Variants in PTPN23 observed in about 807,000 individuals in gnomAD.
The protein encoded by PTPN23 is protein tyrosine phosphatase non-receptor type 23.
Under a neutral mutation model 156.3 loss-of-function variants are expected in PTPN23, and 72 were observed. The observed-to-expected ratio is 0.46, with a 90% confidence interval of 0.38 to 0.56. The LOEUF (loss-of-function observed/expected upper bound fraction) is 0.56. Among genes scored for constraint, PTPN23 ranks in the 20% least tolerant of loss-of-function variants. The pLI is 0.00. For synonymous variants in PTPN23, 957 were observed against 899.6 expected (o/e 1.06, Z -1.14); for missense variants, 1,974 against 2,171.5 (o/e 0.91, Z 1.81).
At chr3:47,389,840 CAAAAAAA>C (rs34520125) in intron 1 of PTPN23, among the ~76,000 whole-genome samples, 6 of 32,344 alleles carry the variant, frequency 1.9e-4, no homozygotes, top group African/African-American at 3.0e-4. Flanking sequence ...GACTCCGTCT[CAAAAAAA>C]AAAAAAAAAA....
chr3:47,396,084 C>A, intron 1 of PTPN23, 59 bp from the exon 2 acceptor site: 1 of 1,410,496 alleles, frequency 7.1e-7, no homozygotes, highest in Non-Finnish European at 9.9e-7. Context: ...TTGCCCAGGA[C>A]TCAGAGGGCA....
chr3:47,383,644 T>C (rs1287859892), intron 1 of PTPN23, among the ~76,000 whole-genome samples: 3 of 152,248 alleles, frequency 2.0e-5, no homozygotes, highest in Non-Finnish European at 4.4e-5. Context: ...ATGCAGTAGA[T>C]AAAATCTTGG....
intron 1 of PTPN23, among the ~76,000 whole-genome samples, chr3:47,387,919 CA>C (rs1218330163): frequency 6.6e-6 from 1 of 152,204 alleles, no homozygotes; most frequent in Non-Finnish European, 1.5e-5. Context: ...CTCTAATCTG[CA>C]AAATCATGGC....
At chr3:47,401,618 T>A (rs149810718) in intron 2 of PTPN23, among the ~76,000 whole-genome samples, 1 of 152,234 alleles carries the variant, frequency 6.6e-6, no homozygotes, top group African/African-American at 2.4e-5. Context: ...GATGTGGCTC[T>A]TAATTTTAAA....
rs1414253821 is a variant in PTPN23, at chr3:47,411,701, T to TG, written c.3888+18dup. ...AGATGGAGAAGGTGAGAAGAGGGGG[T>TG]GGGTGCCCACGAGGGCAGTGTGGGG... is the stretch of plus-strand genomic sequence containing the variant. On this transcript the variant is annotated intron_variant, in intron 20 of 24. Coordinates refer to ENST00000265562, the MANE Select transcript of PTPN23 (RefSeq NM_015466.4). The surrounding 1 kb of genome is among the most constrained non-coding windows in gnomAD (Gnocchi z 6.3). 6.3e-7 allele frequency: 1 copy of TG among 1,588,164 alleles called. No individual in the cohort carries two copies. The highest frequency in any genetic ancestry group is 8.6e-7 in the Non-Finnish European group (1 of 1,161,192).
rs557838138 is a variant in PTPN23 at position 47,409,941 on chromosome 3, A to C, written c.2143A>C (p.Lys715Gln). The change falls in exon 20 of 25, where the codon AAG becomes CAG. Residue 715 changes from lysine (K) to glutamine (Q), a missense_variant. Coordinates refer to ENST00000265562, the MANE Select transcript of PTPN23 (RefSeq NM_015466.4). ...CCTGTCGCACAGGGAGCTGAAGAAG[A>C]AGCCGCCGCCACGGCCCACAGCCCC... Reference protein sequence around the residue: ...QQLLDRELKKKPPPRPTAPKP... With the variant: ...QQLLDRELKKQPPPRPTAPKP... 5.0e-5 allele frequency: 79 copies of C among 1,569,308 alleles called. No homozygotes were observed. Among genetic ancestry groups the C allele is most frequent in the South Asian group, 4.0e-4 (34 of 84,014 alleles).
intron 1 of PTPN23, among the ~76,000 whole-genome samples, chr3:47,391,397 A>T (rs979861895): frequency 6.6e-6 from 1 of 152,160 alleles, no homozygotes; most frequent in African/African-American, 2.4e-5. Flanking sequence ...GAATACCCTA[A>T]CTCTTTGCCT....
Position 47,408,470 on chromosome 3 carries a change from A to G in PTPN23, c.1310A>G (p.Asn437Ser). 6.2e-7 allele frequency: 1 copy of G among 1,613,886 alleles called. No homozygotes were observed. The highest frequency in any genetic ancestry group is 8.5e-7 in the Non-Finnish European group (1 of 1,179,882). The change falls in exon 15 of 25, where the codon AAC becomes AGC. Residue 437 changes from asparagine (N) to serine (S), a missense_variant. Asn to Ser is a conservative substitution (Grantham distance 46). Coordinates refer to ENST00000265562, the MANE Select transcript of PTPN23 (RefSeq NM_015466.4). ...ALSVRPDTVRNLVQSMQVLSG... is the reference protein window; with the variant it reads ...ALSVRPDTVRSLVQSMQVLSG... Reference sequence around the variant, plus strand: ...AGCGTCCGGCCCGACACTGTCAGGAACCTTGTACAGTCCATGCAAGGTGAG... The same window carrying G: ...AGCGTCCGGCCCGACACTGTCAGGAGCCTTGTACAGTCCATGCAAGGTGAG...
intron 1 of PTPN23, among the ~76,000 whole-genome samples, chr3:47,386,877 C>G (rs753659204): frequency 2.6e-5 from 4 of 152,174 alleles, no homozygotes; most frequent in African/African-American, 9.7e-5. Context: ...AGGCCTATAT[C>G]CATTTCAGTT....
Position 47,406,327 on chromosome 3 carries a change from C to T in PTPN23, c.549C>T (p.Gly183=). 1 of 1,613,596 alleles carries T rather than the reference C, an allele frequency of 6.2e-7. No individual in the cohort carries two copies. The highest frequency in any genetic ancestry group is 8.5e-7 in the Non-Finnish European group (1 of 1,180,002). Residue 183 remains glycine, a splice_region_variant and synonymous_variant, in exon 7 of 25, where the codon GGC becomes GGT. Coordinates refer to ENST00000265562, the MANE Select transcript of PTPN23 (RefSeq NM_015466.4). The surrounding 1 kb of genome is among the most constrained non-coding windows in gnomAD (Gnocchi z 5.8). ...ILTLNVNLML[G]QAQECLLEKS... ...GTGCACCTCACGTGTCGCCCCAGGG[C>T]CAGGCTCAGGAGTGCCTCCTGGAGA...
At position 47,384,812 on chromosome 3, in the gene PTPN23, G is replaced by T. The variant is rs528582145; in HGVS notation, c.84+3632G>T. Among the ~76,000 whole-genome samples the T allele has an allele frequency of 8.6e-5, 13 of 151,986 alleles. 1 individual carries two copies. In the South Asian group the frequency reaches 2.5e-3, roughly 29 times the overall value. ...AGTTTTGCTTTCGTTGCCCAGGCTG[G>T]AGTGCAATGGCACCATCTTGGCTCA... On this transcript the variant is annotated intron_variant, in intron 1 of 24. Transcript: ENST00000265562.
chr3:47,384,683 T>A (rs1704618825), intron 1 of PTPN23, among the ~76,000 whole-genome samples: 1 of 152,056 alleles, frequency 6.6e-6, no homozygotes, highest in Non-Finnish European at 1.5e-5. Flanking sequence ...CATTATGGCA[T>A]AATGTGAAAT....
chr3:47,392,523 T>A (rs1157089545), intron 1 of PTPN23, among the ~76,000 whole-genome samples: 3 of 152,120 alleles, frequency 2.0e-5, no homozygotes, highest in Admixed American at 1.3e-4. Flanking sequence ...TTGTTGTTGT[T>A]GTTGTCATAA....
chr3:47,382,029 C>A (rs770638387), intron 1 of PTPN23, among the ~76,000 whole-genome samples: 4 of 152,120 alleles, frequency 2.6e-5, no homozygotes, highest in African/African-American at 4.8e-5. Context: ...GGTGGGGGGC[C>A]TTGTGGGCTT....
At chr3:47,397,559 A>AC (rs1704904389) in intron 2 of PTPN23, among the ~76,000 whole-genome samples, 1 of 152,222 alleles carries the variant, frequency 6.6e-6, no homozygotes, top group African/African-American at 2.4e-5. Flanking sequence ...TCTATCATGG[A>AC]CCACATACCA....
intron 2 of PTPN23, among the ~76,000 whole-genome samples, chr3:47,398,530 T>C (rs1298223104): frequency 6.6e-6 from 1 of 152,086 alleles, no homozygotes; most frequent in Non-Finnish European, 1.5e-5. Flanking sequence ...AGGCTACCCC[T>C]GTGCCAAGAA....
rs1472771246 is a variant in PTPN23, at chr3:47,406,121, G to A, written c.546+75G>A. ...GCCAGGGAGGGGGCAGTTGGGCCTG[G>A]ATCCTGGACCAAGGCAGTGAGGGAC... On this transcript the variant is annotated intron_variant, in intron 6 of 24. Transcript: ENST00000265562. This position sits in a 1 kb window ranked among gnomAD's most constrained non-coding sequence, Gnocchi z 5.8. 1.9e-6 allele frequency: 3 copies of A among 1,566,542 alleles called. No individual in the cohort carries two copies. The Admixed American group carries it at 5.6e-5, about 29-fold the overall frequency.
chr3:47,409,521 C>A lies in PTPN23; in HGVS notation c.1902C>A (p.Asn634Lys). The A allele has an allele frequency of 4.3e-6, 7 of 1,614,098 alleles. No individual in the cohort carries two copies. Among genetic ancestry groups the A allele is most frequent in the Non-Finnish European group, 5.9e-6 (7 of 1,179,986 alleles). The change falls in exon 18 of 25, where the codon AAC (asparagine) becomes AAA (lysine). Residue 634 changes from asparagine (N) to lysine (K), a missense_variant. Physicochemically the swap from Asn to Lys is moderately conservative, Grantham distance 94. This residue lies in a region of PTPN23 where 726 missense variants were observed against 929.5 expected (regional missense o/e 0.78). Transcript: ENST00000265562. ...DRVLCALTEA[N>K]VQYAAVRRVL... ...TCCTCTGTGCACTGACAGAGGCCAA[C>A]GTGCAGTACGCAGCCGTGCGGCGGG...
Position 47,412,804 on chromosome 3 carries a change from T to G in PTPN23, c.4530T>G (p.Pro1510=). 1 of 1,613,508 alleles carries G rather than the reference T, an allele frequency of 6.2e-7. No homozygotes were observed. The highest frequency in any genetic ancestry group is 1.7e-5 in the Admixed American group (1 of 60,016). The change falls in exon 25 of 25, where the codon CCT becomes CCG. Residue 1510 remains proline, a synonymous_variant. Coordinates refer to ENST00000265562, the MANE Select transcript of PTPN23 (RefSeq NM_015466.4). ...ATIAKLSIRP[P]GGLESPVASL... ...TTGCCAAGCTCAGCATTCGGCCTCCTGGGGGGTTGGAGTCCCCGGTTGCCA... is the reference window on the plus strand; with the variant it reads ...TTGCCAAGCTCAGCATTCGGCCTCCGGGGGGGTTGGAGTCCCCGGTTGCCA...
Sources: allele counts gnomAD v4.1 joint callset (sites outside exome capture counted in the v4.1 genomes callset), GRCh38; gene constraint gnomAD v4.1.1; regional missense constraint gnomAD v4.1.1; non-coding constraint Gnocchi (gnomAD v3.1); transcripts MANE v1.5; gene names NCBI Gene and HGNC (gene_info 2026-07-23, HGNC 2026-07-21).